The following KIF24 variants were observed in gnomAD, a reference collection of about 807,000 sequenced individuals.
The protein encoded by KIF24 is kinesin family member 24.
KIF24 carries 81 observed loss-of-function variants against 118.9 expected under a neutral mutation model. The observed-to-expected ratio is 0.68, with a 90% CI of 0.57 to 0.82. The LOEUF is 0.82. Among genes scored for constraint, KIF24 ranks in the 40% least tolerant of loss-of-function variants. The pLI is 0.00. For missense variants in KIF24, 1,560 were observed against 1,661.6 expected, an observed-to-expected ratio of 0.94 and a Z score of 1.06; for synonymous variants, 599 against 610.0, an observed-to-expected ratio of 0.98 and a Z score of 0.27.
intron 9 of KIF24, among the ~76,000 whole-genome samples, chr9:34,262,107 A>G (rs535549009): frequency 1.3e-5 from 2 of 151,948 alleles, no homozygotes; most frequent in Non-Finnish European, 2.9e-5. Flanking sequence ...ACACCCAGTT[A>G]ATTTTTAAAT....
chr9:34,263,253 T>C (rs1835162298), intron 8 of KIF24, 81 bp from the exon 9 acceptor site: 6 of 985,140 alleles, frequency 6.1e-6, no homozygotes, highest in Non-Finnish European at 9.6e-6. Context: ...CACAGGAAGC[T>C]TGTTTTTCTT....
At chr9:34,315,744 A>G (rs1234145247) in intron 1 of KIF24, among the ~76,000 whole-genome samples, 2 of 152,222 alleles carry the variant, frequency 1.3e-5, no homozygotes, top group Non-Finnish European at 2.9e-5. Context: ...ATATTTAGAA[A>G]TGGGCCTGGC....
intron 5 of KIF24, 122 bp downstream of exon 5, chr9:34,290,052 T>C: frequency 1.6e-6 from 1 of 614,300 alleles, no homozygotes; most frequent in South Asian, 2.4e-5. Flanking sequence ...AGGAGCCTCA[T>C]TTCACAAAAG....
chr9:34,311,768 A>G lies in KIF24; in HGVS notation c.-25-397T>C, dbSNP rs111533143. 4.7e-3 allele frequency among the ~76,000 whole-genome samples: 695 copies of G among 146,974 alleles called. 2 individuals carry two copies. The highest frequency in any genetic ancestry group is 8.7e-3 in the South Asian group (41 of 4,732). Reference sequence around the variant, plus strand: ...TATACGTATATATGTGTATATATACATATATATACACATATATATACACAC... The same window carrying G: ...TATACGTATATATGTGTATATATACGTATATATACACATATATATACACAC... On this transcript the variant is annotated intron_variant, in intron 1 of 12. Coordinates refer to ENST00000402558, the MANE Select transcript of KIF24 (RefSeq NM_194313.4).
upstream of KIF24, among the ~76,000 whole-genome samples, chr9:34,332,582 C>A (rs2131852534): frequency 6.6e-6 from 1 of 152,324 alleles, no homozygotes; most frequent in East Asian, 1.9e-4. Context: ...GGCTGCTTAA[C>A]AAATCCCCTT....
intron 3 of KIF24, among the ~76,000 whole-genome samples, chr9:34,298,886 G>A (rs1296135299): frequency 1.3e-5 from 2 of 152,012 alleles, no homozygotes; most frequent in Admixed American, 6.6e-5. Context: ...AGAGAAAGGG[G>A]TCCAAGACGA....
In KIF24 at chr9:34,257,812, C is replaced by A; in HGVS notation, c.1795G>T (p.Ala599Ser). 6.2e-7 allele frequency: 1 copy of A among 1,614,022 alleles called. No homozygotes were observed. The highest frequency in any genetic ancestry group is 1.1e-5 in the South Asian group (1 of 91,080). Reference sequence around the variant, plus strand: ...TTCCCTCTCGTGGAACCAGGGGCTGCCACTGTGAGTGACTGCTGAAATCCC... The same window carrying A: ...TTCCCTCTCGTGGAACCAGGGGCTGACACTGTGAGTGACTGCTGAAATCCC... The part of the protein sequence containing the change: ...KLGFQQSLTV[A>S]APGSTRGKVH... The change falls in exon 11 of 13, where the codon GCA becomes TCA. Residue 599 changes from alanine to serine, a missense_variant. By Grantham distance (99) the Ala-to-Ser change is moderately conservative. Coordinates refer to ENST00000402558, the MANE Select transcript of KIF24 (RefSeq NM_194313.4).
chr9:34,257,698 G>T lies in KIF24; in HGVS notation c.1909C>A (p.Pro637Thr), dbSNP rs1279137680. 6.2e-7 allele frequency: 1 copy of T among 1,614,042 alleles called. No homozygotes were observed. Among genetic ancestry groups the T allele is most frequent in the Non-Finnish European group, 8.5e-7 (1 of 1,179,894 alleles). Residue 637 changes from proline to threonine, a missense_variant, in exon 11 of 13, where the codon CCT becomes ACT. Around this residue, in one of 3 missense-constraint regions of KIF24, gnomAD observed 964 missense variants for 988.0 expected, o/e 0.98. Transcript: ENST00000402558. ...SGKRGGSRGS[P>T]SQEWVIHASP... The stretch of plus-strand genomic sequence containing the variant: ...GCATGAATGACCCACTCTTGTGAAG[G>T]ACTCCCTCTGGAGCCACCCCTTTTA...
chr9:34,283,077 A>AAT (rs1232025955), intron 6 of KIF24, among the ~76,000 whole-genome samples: 2 of 129,100 alleles, frequency 1.5e-5, no homozygotes, highest in Non-Finnish European at 3.4e-5. Context: ...AAAAAAAAAG[A>AAT]ATATTATGGC....
Position 34,257,464 on chromosome 9 carries a change from G to A in KIF24, c.2143C>T (p.Gln715Ter), listed in dbSNP as rs777808739. Residue 715 changes from glutamine to a stop codon, truncating the protein, a stop_gained, in exon 11 of 13, where the codon CAG becomes TAG. Transcript: ENST00000402558. LOFTEE classifies it high-confidence loss of function. ...GAGAGCTCAACTCGAGACACAAGCT[G>A]CTTCTGTACTGGCTGCACTGTCTGC... ...KVQTVQPVQK[Q>*]LVSRVELSFG... The A allele has an allele frequency of 3.1e-6, 5 of 1,614,064 alleles. No homozygotes were observed. Among genetic ancestry groups the A allele is most frequent in the Non-Finnish European group, 3.4e-6 (4 of 1,179,904 alleles).
At position 34,269,324 on chromosome 9, in the gene KIF24, G is replaced by C. The variant is rs2131700162; in HGVS notation, c.1376C>G (p.Ala459Gly). 1.9e-6 allele frequency: 3 copies of C among 1,611,214 alleles called. No homozygotes were observed. The highest frequency in any genetic ancestry group is 1.7e-5 in the Admixed American group (1 of 59,922). The change falls in exon 8 of 13, where the codon GCA becomes GGA. Residue 459 changes from alanine to glycine, a missense_variant. Physicochemically the swap from Ala to Gly is moderately conservative, Grantham distance 60. Transcript: ENST00000402558. ...CTGTCTATCTGAGTCCCTTGCATCT[G>C]CTGCTCTTTCACTGCCAGCCAAGTC... is the stretch of plus-strand genomic sequence containing the variant. ...FIDLAGSERA[A>G]DARDSDRQTK...
intron 3 of KIF24, among the ~76,000 whole-genome samples, chr9:34,301,996 TC>T (rs1836728526): frequency 9.3e-6 from 1 of 107,324 alleles, no homozygotes; most frequent in African/African-American, 2.6e-5. Flanking sequence ...TATTTTTTTT[TC>T]TTTTTTTTTT....
In KIF24 at chr9:34,290,325, T is replaced by TTCC; in HGVS notation, c.973_975dup (p.Gly325dup). On this transcript the variant is annotated inframe_insertion, in exon 5 of 13. Transcript: ENST00000402558. Reference sequence around the variant, plus strand: ...GCATACAATCCTGGGTTCTCATGAGTTCCTATCATGGTGTAGGTCTTTCCA... The same window carrying TTCC: ...GCATACAATCCTGGGTTCTCATGAGTTCCTCCTATCATGGTGTAGGTCTTTCCA... The TTCC allele has an allele frequency of 6.2e-7, 1 of 1,613,900 alleles. No individual in the cohort carries two copies. The highest frequency in any genetic ancestry group is 8.5e-7 in the Non-Finnish European group (1 of 1,179,814).
intron 8 of KIF24, among the ~76,000 whole-genome samples, chr9:34,264,144 G>C (rs1835195851): frequency 6.6e-6 from 1 of 152,022 alleles, no homozygotes. Context: ...AAAAGGAGCT[G>C]GGTGCAGTGG....
rs112323200 is a variant in KIF24, at chr9:34,256,076, C to G, written c.3531G>C (p.Glu1177Asp). 1,725 of 1,613,984 alleles carry G rather than the reference C, an allele frequency of 1.1e-3. 16 individuals are homozygous for G. The African/African-American group carries it at 0.019, about 18-fold the overall frequency. The change falls in exon 11 of 13, where the codon GAG becomes GAC. Residue 1177 changes from glutamate to aspartate, a missense_variant. Coordinates refer to ENST00000402558, the MANE Select transcript of KIF24 (RefSeq NM_194313.4). ...MGSEQYDADAEETGLDGSWGF... is the reference protein window; with the variant it reads ...MGSEQYDADADETGLDGSWGF... ...CCCAGGAGCCATCCAGCCCCGTCTC[C>G]TCTGCATCAGCATCATACTGCTCAC...
intron 1 of KIF24, among the ~76,000 whole-genome samples, 100 bp downstream of exon 1, chr9:34,329,006 T>C (rs1837781180): frequency 2.6e-5 from 4 of 152,298 alleles, no homozygotes; most frequent in South Asian, 4.1e-4. Context: ...GCCAGTTTCC[T>C]CCCGCGCTCA....
At chr9:34,301,533 A>T (rs1322080791) in intron 3 of KIF24, among the ~76,000 whole-genome samples, 2 of 152,128 alleles carry the variant, frequency 1.3e-5, no homozygotes, top group Non-Finnish European at 1.5e-5. Flanking sequence ...TTTTTTAAGT[A>T]AGTTTTTCTT....
chr9:34,268,170 T>A (rs181894641), intron 8 of KIF24, among the ~76,000 whole-genome samples: 214 of 152,020 alleles, frequency 1.4e-3, no homozygotes, highest in East Asian at 0.012. Flanking sequence ...TTTAAAAAAA[T>A]TTTTTTTTGA....
intron 3 of KIF24, among the ~76,000 whole-genome samples, chr9:34,297,997 G>C (rs1253965072): frequency 6.6e-6 from 1 of 152,038 alleles, no homozygotes; most frequent in Non-Finnish European, 1.5e-5. Flanking sequence ...AGAATCTTAA[G>C]ATAAAGTACG....
Sources: allele counts gnomAD v4.1 joint callset (sites outside exome capture counted in the v4.1 genomes callset), GRCh38; gene constraint gnomAD v4.1.1; regional missense constraint gnomAD v4.1.1; transcripts MANE v1.5; gene names NCBI Gene and HGNC (gene_info 2026-07-23, HGNC 2026-07-21).